The following ZNF277 variants were observed in gnomAD, a reference collection of about 807,000 sequenced individuals.
The protein encoded by ZNF277 is nuclear receptor-interacting factor 4.
In ZNF277, 55 loss-of-function variants were observed where a neutral mutation model predicts 60.7. The ratio of observed to expected loss-of-function variants is 0.91; its 90% CI spans 0.73 to 1.13. The LOEUF is 1.13. Ranked by LOEUF, ZNF277 falls within the 50% of genes most tolerant of loss-of-function variation. The pLI, the probability that ZNF277 is intolerant of heterozygous loss-of-function variation, is 0.00. For synonymous variants in ZNF277, 178 were observed against 179.3 expected, an observed-to-expected ratio of 0.99 and a Z score of 0.06; for missense variants, 510 against 523.0, an observed-to-expected ratio of 0.98 and a Z score of 0.24.
intron 1 of ZNF277, among the ~76,000 whole-genome samples, chr7:112,277,916 G>A (rs1791847164): frequency 6.6e-6 from 1 of 152,176 alleles, no homozygotes; most frequent in Non-Finnish European, 1.5e-5. Context: ...AAGTAAGGCA[G>A]CAGGCTAACT....
intron 2 of ZNF277, among the ~76,000 whole-genome samples, chr7:112,291,062 T>C (rs991205223): frequency 9.2e-5 from 14 of 152,094 alleles, no homozygotes; most frequent in Non-Finnish European, 2.1e-4. Context: ...TGAAACAAAA[T>C]AACACTAAAA....
chr7:112,241,411 A>G (rs1388769991), intron 1 of ZNF277, among the ~76,000 whole-genome samples: 1 of 152,182 alleles, frequency 6.6e-6, no homozygotes, highest in Non-Finnish European at 1.5e-5. Flanking sequence ...CACTGTGGGA[A>G]CATAAATTAG....
At position 112,251,918 on chromosome 7, in the gene ZNF277, T is replaced by C. The variant is rs185720163; in HGVS notation, c.92-34955T>C. 2.0e-4 allele frequency among the ~76,000 whole-genome samples: 30 copies of C among 152,340 alleles called. 1 individual carries two copies. In the South Asian group the frequency reaches 6.0e-3, roughly 30 times the overall value. On this transcript the variant is annotated intron_variant, in intron 1 of 11. Transcript: ENST00000361822. ...TTTAAAGACAGCTTATAAGAGAGTG[T>C]GGTACATAACACAAAGGAATGGATT...
intron 9 of ZNF277, 116 bp from the exon 10 acceptor site, chr7:112,339,727 C>A: frequency 2.0e-6 from 2 of 997,052 alleles, no homozygotes; most frequent in Non-Finnish European, 3.0e-6. Context: ...GCAGAAGATA[C>A]CGAACTCAGA....
Position 112,333,929 on chromosome 7 carries a change from G to A in ZNF277, c.802-2175G>A, listed in dbSNP as rs562712167. Among the ~76,000 whole-genome samples, 8 of 152,240 alleles carry A rather than the reference G, an allele frequency of 5.3e-5. No individual in the cohort carries two copies. The South Asian group carries it at 1.2e-3, about 24-fold the overall frequency. ...GGGCAACAGACTGTTTAACATCGAG[G>A]CTTCAGCTACATATTCCTACGATGC... On this transcript the variant is annotated intron_variant, in intron 7 of 11. Transcript: ENST00000361822.
chr7:112,210,334 G>A (rs1452540100), intron 1 of ZNF277, among the ~76,000 whole-genome samples: 2 of 152,074 alleles, frequency 1.3e-5, no homozygotes, highest in Non-Finnish European at 2.9e-5. Flanking sequence ...GTGAGTCAGT[G>A]GGTGGGGTGC....
At chr7:112,258,157 G>A (rs566476127) in intron 1 of ZNF277, among the ~76,000 whole-genome samples, 7 of 152,178 alleles carry the variant, frequency 4.6e-5, no homozygotes, top group African/African-American at 1.2e-4. Flanking sequence ...TAAATTTGGC[G>A]TGAGAGTTGC....
chr7:112,324,636 C>T (rs555005628), intron 5 of ZNF277, among the ~76,000 whole-genome samples: 1 of 152,258 alleles, frequency 6.6e-6, no homozygotes, highest in Non-Finnish European at 1.5e-5. Flanking sequence ...GCCTTTCCTC[C>T]CTTCTCACCT....
At chr7:112,217,808 A>G (rs1482085850) in intron 1 of ZNF277, among the ~76,000 whole-genome samples, 2 of 152,152 alleles carry the variant, frequency 1.3e-5, no homozygotes, top group Non-Finnish European at 2.9e-5. Flanking sequence ...TAACATCACT[A>G]TTGTAAAACC....
At chr7:112,241,947 G>C (rs1343298337) in intron 1 of ZNF277, among the ~76,000 whole-genome samples, 2 of 151,958 alleles carry the variant, frequency 1.3e-5, no homozygotes, top group Non-Finnish European at 2.9e-5. Context: ...TAGCACAGCA[G>C]GTTGACTACA....
intron 1 of ZNF277, among the ~76,000 whole-genome samples, chr7:112,269,686 G>T (rs1791626143): frequency 1.3e-5 from 2 of 152,046 alleles, no homozygotes; most frequent in South Asian, 2.1e-4. Flanking sequence ...GTGGGTTTTT[G>T]ATTCTAGGTC....
intron 1 of ZNF277, among the ~76,000 whole-genome samples, chr7:112,224,817 G>C (rs940600225): frequency 3.3e-5 from 5 of 152,070 alleles, no homozygotes; most frequent in African/African-American, 1.2e-4. Flanking sequence ...TGGACTTTAG[G>C]GACAGGAGTC....
chr7:112,216,656 T>C (rs1180920213), intron 1 of ZNF277, among the ~76,000 whole-genome samples: 1 of 152,234 alleles, frequency 6.6e-6, no homozygotes, highest in African/African-American at 2.4e-5. Flanking sequence ...GATTTCCTGG[T>C]TTGTAAATGA....
chr7:112,212,751 A>C (rs1821782643), intron 1 of ZNF277, among the ~76,000 whole-genome samples: 1 of 152,190 alleles, frequency 6.6e-6, no homozygotes, highest in African/African-American at 2.4e-5. Flanking sequence ...GGGAGTTGTC[A>C]GAGTGTCTGT....
At chr7:112,290,097 A>T (rs982639182) in intron 2 of ZNF277, among the ~76,000 whole-genome samples, 7 of 152,180 alleles carry the variant, frequency 4.6e-5, no homozygotes, top group African/African-American at 1.7e-4. Context: ...AAGTGTTGGG[A>T]TTACAGGTGT....
At chr7:112,220,272 T>C (rs1194950730) in intron 1 of ZNF277, among the ~76,000 whole-genome samples, 1 of 152,156 alleles carries the variant, frequency 6.6e-6, no homozygotes, top group African/African-American at 2.4e-5. Flanking sequence ...AACTCTTTGG[T>C]TCATTATTCC....
intron 4 of ZNF277, among the ~76,000 whole-genome samples, chr7:112,311,818 GTT>G (rs1215241981): frequency 6.6e-6 from 1 of 152,132 alleles, no homozygotes; most frequent in Non-Finnish European, 1.5e-5. Flanking sequence ...CTTCTACTCA[GTT>G]TTCTCCCTGA....
chr7:112,231,916 A>C (rs1318226567), intron 1 of ZNF277, among the ~76,000 whole-genome samples: 1 of 151,908 alleles, frequency 6.6e-6, no homozygotes, highest in Non-Finnish European at 1.5e-5. Context: ...TTTCAGAAAC[A>C]GACAAAATAG....
intron 2 of ZNF277, chr7:112,288,462 G>C (rs1403684843): frequency 6.6e-6 from 1 of 152,170 alleles, no homozygotes; most frequent in Non-Finnish European, 1.5e-5. Flanking sequence ...AGCTGACTAT[G>C]AAAGTAGGAA....
Sources: allele counts gnomAD v4.1 joint callset (sites outside exome capture counted in the v4.1 genomes callset), GRCh38; gene constraint gnomAD v4.1.1; transcripts MANE v1.5; gene names NCBI Gene and HGNC (gene_info 2026-07-23, HGNC 2026-07-21).